Variants in U2SURP observed in about 807,000 individuals in gnomAD.
U2SURP encodes the protein U2 snRNP-associated SURP motif-containing protein.
Under a neutral mutation model 144.9 loss-of-function variants are expected in U2SURP, and 9 were observed. The ratio of observed to expected loss-of-function variants is 0.06; its 90% confidence interval spans 0.04 to 0.11. The LOEUF is 0.11. Ranked by LOEUF, U2SURP falls within the 10% of genes least tolerant of loss-of-function variation. The probability of loss-of-function intolerance (pLI) is 1.00; values close to 1 mark genes in which losing one functional copy is unlikely to be tolerated. For synonymous variants in U2SURP, 408 were observed against 396.8 expected, an observed-to-expected ratio of 1.03 and a Z score of -0.33; for missense variants, 724 against 1,226.7, an observed-to-expected ratio of 0.59 and a Z score of 6.12.
intron 1 of U2SURP, among the ~76,000 whole-genome samples, chr3:143,009,500 AG>A (rs1228256290): frequency 6.6e-6 from 1 of 151,884 alleles, no homozygotes; most frequent in Non-Finnish European, 1.5e-5. Flanking sequence ...CAGGAGGCTG[AG>A]GGAGGAGAAT....
rs546628895 is a variant in U2SURP at position 143,026,725 on chromosome 3, AT to A, written c.1275-412del. 3.7e-3 allele frequency: 546 copies of A among 148,244 alleles called. 1 individual carries two copies. Among genetic ancestry groups the A allele is most frequent in the Middle Eastern group, 0.011 (3 of 280 alleles). 9.2% of individuals were successfully genotyped at this position (148,244 alleles called of 1,614,324 possible). On this transcript the variant is annotated intron_variant, in intron 13 of 27. Transcript: ENST00000473835. ...CACCATAAAAGTGCTTGGTTTAGGA[AT>A]TTTTTTTTTTTAAACTGAGATAGTG...
intron 3 of U2SURP, 81 bp downstream of exon 3, chr3:143,012,434 A>G (rs1038113087): frequency 3.0e-6 from 4 of 1,344,222 alleles, no homozygotes; most frequent in Non-Finnish European, 2.9e-6. Flanking sequence ...TTAGTGGTCG[A>G]ATATTTGGTT....
At chr3:143,016,036 G>A (rs1184069339) in intron 4 of U2SURP, among the ~76,000 whole-genome samples, 1 of 152,044 alleles carries the variant, frequency 6.6e-6, no homozygotes, top group Non-Finnish European at 1.5e-5. Flanking sequence ...ATACTTAGGG[G>A]TTCTTTTCTA....
chr3:143,002,948 A>C lies in U2SURP; in HGVS notation c.45+1275A>C, dbSNP rs188219244. Among the ~76,000 whole-genome samples the C allele has an allele frequency of 2.2e-3, 338 of 152,138 alleles. 1 individual carries two copies. Among genetic ancestry groups the C allele is most frequent in the Non-Finnish European group, 1.0e-3 (71 of 67,986 alleles). ...CTCCCTCTCTTTGGGGGCGAGCTCT[A>C]CCAACTCTTCTCAACAGACTCCTGA... On this transcript the variant is annotated intron_variant, in intron 1 of 27. Coordinates refer to ENST00000473835, the MANE Select transcript of U2SURP (RefSeq NM_001080415.2).
chr3:143,044,113 C>T (rs1408495218), intron 24 of U2SURP, among the ~76,000 whole-genome samples: 2 of 152,020 alleles, frequency 1.3e-5, no homozygotes, highest in African/African-American at 4.8e-5. Flanking sequence ...AAAATATTTT[C>T]TGGCATATTC....
At chr3:143,050,420 T>C (rs888574126) in intron 24 of U2SURP, among the ~76,000 whole-genome samples, 1 of 152,208 alleles carries the variant, frequency 6.6e-6, no homozygotes, top group Non-Finnish European at 1.5e-5. Context: ...TAAAGTACCC[T>C]CCAAATGTGA....
At chr3:143,037,438 G>A in intron 21 of U2SURP, 103 bp downstream of exon 21, 1 of 1,083,650 alleles carries the variant, frequency 9.2e-7, no homozygotes, top group South Asian at 1.7e-5. Context: ...AGTTTCTCAT[G>A]AACGTATCAA....
chr3:143,035,409 A>G (rs1052062283), intron 19 of U2SURP, among the ~76,000 whole-genome samples: 1 of 152,212 alleles, frequency 6.6e-6, no homozygotes, highest in Non-Finnish European at 1.5e-5. Flanking sequence ...ATAAGTAAAT[A>G]TGCTTTCATG....
intron 24 of U2SURP, among the ~76,000 whole-genome samples, chr3:143,043,601 G>C (rs1022540397): frequency 2.0e-5 from 3 of 151,906 alleles, no homozygotes; most frequent in Non-Finnish European, 4.4e-5. Context: ...TCCCCATTAG[G>C]CTGCACTTTC....
At position 143,028,569 on chromosome 3, in the gene U2SURP, C is replaced by T. The variant is rs779649665; in HGVS notation, c.1533C>T (p.Tyr511=). 2.5e-6 allele frequency: 4 copies of T among 1,598,656 alleles called. No individual in the cohort carries two copies. In the Admixed American group the frequency reaches 5.4e-5, roughly 22 times the overall value. The change falls in exon 16 of 28, where the codon TAC becomes TAT. Residue 511 remains tyrosine, a synonymous_variant. Coordinates refer to ENST00000473835, the MANE Select transcript of U2SURP (RefSeq NM_001080415.2). ...SFWRPPPLNP[Y]LHGMSEEQET... ...GGAGGCCACCACCATTAAATCCGTA[C>T]TTGCATGGAATGTCAGAAGAGCAAG...
intron 3 of U2SURP, among the ~76,000 whole-genome samples, chr3:143,012,621 A>G (rs987027213): frequency 1.9e-4 from 29 of 152,180 alleles, no homozygotes; most frequent in African/African-American, 7.0e-4. Context: ...GTTAATTGTC[A>G]AGTTTATCTT....
Position 143,053,743 on chromosome 3 carries a change from G to T in U2SURP, c.2723G>T (p.Arg908Leu). ...DKKDKEKLES[R>L]SKDKKEKDEC... Reference sequence around the variant, plus strand: ...AAAGATAAAGAAAAATTGGAATCTCGCTCCAAAGACAAGAAGGAAAAAGAT... The same window carrying T: ...AAAGATAAAGAAAAATTGGAATCTCTCTCCAAAGACAAGAAGGAAAAAGAT... Residue 908 changes from arginine to leucine, a missense_variant, in exon 26 of 28, where the codon CGC (arginine) becomes CTC (leucine). Physicochemically the swap from Arg to Leu is moderately radical, Grantham distance 102. Around this residue, in one of 13 missense-constraint regions of U2SURP, gnomAD observed 129 missense variants for 196.1 expected, o/e 0.66. Coordinates refer to ENST00000473835, the MANE Select transcript of U2SURP (RefSeq NM_001080415.2). 1 of 1,608,832 alleles carries T rather than the reference G, an allele frequency of 6.2e-7. No homozygotes were observed. Among genetic ancestry groups the T allele is most frequent in the Non-Finnish European group, 8.5e-7 (1 of 1,177,608 alleles).
intron 4 of U2SURP, among the ~76,000 whole-genome samples, chr3:143,014,689 A>T (rs1409803170): frequency 6.6e-6 from 1 of 151,964 alleles, no homozygotes; most frequent in Non-Finnish European, 1.5e-5. Context: ...CATTGTACCC[A>T]TTCCCCTTAG....
intron 19 of U2SURP, 89 bp from the exon 20 acceptor site, chr3:143,035,893 T>C: frequency 7.2e-7 from 1 of 1,389,412 alleles, no homozygotes; most frequent in Non-Finnish European, 9.5e-7. Context: ...AAGGCAAATT[T>C]AGCAAATCTT....
chr3:143,006,355 T>C (rs1022031416), intron 1 of U2SURP, among the ~76,000 whole-genome samples: 5 of 152,180 alleles, frequency 3.3e-5, no homozygotes, highest in African/African-American at 4.8e-5. Flanking sequence ...GAGTGTAATT[T>C]TGTTTGGTGG....
intron 24 of U2SURP, 111 bp downstream of exon 24, chr3:143,043,387 C>A: frequency 8.7e-7 from 1 of 1,144,448 alleles, no homozygotes; most frequent in Non-Finnish European, 1.2e-6. Flanking sequence ...CTTCTCTCTG[C>A]TTAGAACTCT....
At chr3:143,036,174 C>T in intron 20 of U2SURP, 70 bp downstream of exon 20, 2 of 1,484,748 alleles carry the variant, frequency 1.3e-6, no homozygotes, top group South Asian at 1.4e-5. Context: ...TGGAGTTGTT[C>T]TGTGTTACAT....
At chr3:143,054,029 G>A (rs1935021072) in intron 26 of U2SURP, among the ~76,000 whole-genome samples, 1 of 152,200 alleles carries the variant, frequency 6.6e-6, no homozygotes, top group African/African-American at 2.4e-5. Flanking sequence ...CTTAGCCTTA[G>A]TTCAGTGCAA....
At chr3:143,032,641 A>G in intron 16 of U2SURP, 143 bp from the exon 17 acceptor site, 1 of 632,934 alleles carries the variant, frequency 1.6e-6, no homozygotes, top group Non-Finnish European at 2.5e-6. Context: ...TGGGGGACAC[A>G]ACACAAATCA....
Sources: allele counts gnomAD v4.1 joint callset (sites outside exome capture counted in the v4.1 genomes callset), GRCh38; gene constraint gnomAD v4.1.1; regional missense constraint gnomAD v4.1.1; transcripts MANE v1.5; gene names NCBI Gene and HGNC (gene_info 2026-07-23, HGNC 2026-07-21).